Variants in MANEA observed in about 807,000 individuals in gnomAD.
MANEA encodes the protein mannosidase endo-alpha.
In MANEA, 25 loss-of-function variants were observed where a neutral mutation model predicts 36.8. That is an observed-to-expected ratio of 0.68 (90% CI 0.50 to 0.95). The LOEUF (loss-of-function observed/expected upper bound fraction) is 0.95, where lower values mean the gene tolerates loss of function less well. Ranked by LOEUF, MANEA falls within the 40% of genes least tolerant of loss-of-function variation. The pLI is 0.00. For synonymous variants in MANEA, 198 were observed against 188.5 expected, an observed-to-expected ratio of 1.05 and a Z score of -0.41; for missense variants, 565 against 558.8, an observed-to-expected ratio of 1.01 and a Z score of -0.11.
At chr6:95,596,699 T>C in intron 2 of MANEA, 38 bp from the exon 3 acceptor site, 1 of 1,080,724 alleles carries the variant, frequency 9.3e-7, no homozygotes. Context: ...GCATTCATGT[T>C]CTTGTCTTTT....
At chr6:95,603,014 G>A (rs1215352636) in intron 3 of MANEA, among the ~76,000 whole-genome samples, 13 of 110,690 alleles carry the variant, frequency 1.2e-4, no homozygotes, top group Non-Finnish European at 2.0e-4. Flanking sequence ...GCGACAGAGC[G>A]AGACTCCGTC....
Position 95,606,427 on chromosome 6 carries a change from G to A in MANEA, c.*22G>A. 1.3e-6 allele frequency: 2 copies of A among 1,523,958 alleles called. No homozygotes were observed. The highest frequency in any genetic ancestry group is 1.8e-6 in the Non-Finnish European group (2 of 1,142,160). 94.4% of individuals were successfully genotyped at this position (1,523,958 alleles called of 1,614,324 possible). A position where few individuals can be genotyped will look rare whatever the true frequency, so the allele number is the denominator to read the frequency against. ...TTAATGCATTGATTAAAGTTTAATA[G>A]TTATCAAAATCACCTAATTTTTAAA... On this transcript the variant is annotated 3_prime_UTR_variant, in exon 5 of 5. Coordinates refer to ENST00000358812, the MANE Select transcript of MANEA (RefSeq NM_024641.4).
chr6:95,587,868 C>G (rs535305615), intron 2 of MANEA, among the ~76,000 whole-genome samples: 2 of 151,406 alleles, frequency 1.3e-5, no homozygotes, highest in South Asian at 4.2e-4. Flanking sequence ...TTCTTTTTTT[C>G]CTTCTTTTTC....
rs1769711975 is a variant in MANEA, at chr6:95,606,316, C to A, written c.1300C>A (p.Leu434Ile). The change falls in exon 5 of 5, where the codon CTT (leucine) becomes ATT (isoleucine). Residue 434 changes from leucine (L) to isoleucine (I), a missense_variant. Leu to Ile is a conservative substitution (Grantham distance 5). Coordinates refer to ENST00000358812, the MANE Select transcript of MANEA (RefSeq NM_024641.4). Reference sequence around the variant, plus strand: ...AGATTACCGTCCTCATAAACCAGGTCTTTACCTAGAACTGACTCGCAAGTG... The same window carrying A: ...AGATTACCGTCCTCATAAACCAGGTATTTACCTAGAACTGACTCGCAAGTG... ...YLDYRPHKPG[L>I]YLELTRKWSE... The A allele has an allele frequency of 3.7e-6, 6 of 1,611,548 alleles. No homozygotes were observed. The highest frequency in any genetic ancestry group is 5.1e-6 in the Non-Finnish European group (6 of 1,179,834).
chr6:95,604,814 T>C lies in MANEA; in HGVS notation c.655-13T>C. On this transcript the variant is annotated splice_polypyrimidine_tract_variant and intron_variant, in intron 3 of 4. Coordinates refer to ENST00000358812, the MANE Select transcript of MANEA (RefSeq NM_024641.4). ...ATAATTTATCCCCTAACTGATTTTA[T>C]TGTTTGTTTTAGGTTACTTTTCACA... The C allele has an allele frequency of 4.0e-6, 5 of 1,244,110 alleles. No individual in the cohort carries two copies. The highest frequency in any genetic ancestry group is 5.6e-6 in the Non-Finnish European group (5 of 898,248). 77.1% of individuals were successfully genotyped at this position (1,244,110 alleles called of 1,614,324 possible). A position where few individuals can be genotyped will look rare whatever the true frequency, so the allele number is the denominator to read the frequency against.
chr6:95,606,413 ATTAAAGT>A lies in MANEA; in HGVS notation c.*13_*19del, dbSNP rs762624280. On this transcript the variant is annotated 3_prime_UTR_variant, in exon 5 of 5. Transcript: ENST00000358812. ...CAGCTGCCTGTTTCTTAATGCATTG[ATTAAAGT>A]TTAATAGTTATCAAAATCACCTAAT... is the stretch of plus-strand genomic sequence containing the variant. The A allele has an allele frequency of 3.2e-6, 5 of 1,574,304 alleles. No homozygotes were observed. The South Asian group carries it at 3.5e-5, about 11-fold the overall frequency.
At chr6:95,597,277 C>T (rs536400445) in intron 3 of MANEA, among the ~76,000 whole-genome samples, 1 of 152,080 alleles carries the variant, frequency 6.6e-6, no homozygotes, top group South Asian at 2.1e-4. Flanking sequence ...CACATACACA[C>T]CTGAGTAAAT....
chr6:95,603,098 G>A (rs1186102090), intron 3 of MANEA, among the ~76,000 whole-genome samples: 1 of 150,422 alleles, frequency 6.6e-6, no homozygotes, highest in Non-Finnish European at 1.5e-5. Context: ...AATACATGAG[G>A]GAAAATTTTA....
intron 1 of MANEA, among the ~76,000 whole-genome samples, chr6:95,580,100 A>G (rs1192033427): frequency 6.6e-6 from 1 of 152,042 alleles, no homozygotes; most frequent in African/African-American, 2.4e-5. Context: ...TTTTTATTAA[A>G]TTGGATTTTT....
At chr6:95,587,395 TC>T (rs924540015) in intron 2 of MANEA, 1 of 180,140 alleles carries the variant, frequency 5.6e-6, no homozygotes, top group African/African-American at 2.4e-5. Context: ...TCATCATAAT[TC>T]CTTTATTCAG....
intron 2 of MANEA, among the ~76,000 whole-genome samples, chr6:95,591,838 G>A (rs1226677170): frequency 1.3e-5 from 2 of 151,946 alleles, no homozygotes; most frequent in Non-Finnish European, 1.5e-5. Flanking sequence ...CAAGTAGCTG[G>A]GACTACAGAT....
At position 95,586,636 on chromosome 6, in the gene MANEA, G is replaced by C; in HGVS notation, c.197G>C (p.Arg66Thr). The change falls in exon 2 of 5, where the codon AGA becomes ACA. Residue 66 changes from arginine to threonine, a missense_variant. Arg to Thr is a moderately conservative substitution (Grantham distance 71, BLOSUM62 -1). Transcript: ENST00000358812. ...AATTTTGATTTCCAAAAGAGTGACA[G>C]AATCAACAGTGAAACAAATACCAAG... ...GKNFDFQKSD[R>T]INSETNTKNL... is the part of the protein sequence containing the mutation. 1.2e-6 allele frequency: 2 copies of C among 1,613,940 alleles called. No homozygotes were observed. The highest frequency in any genetic ancestry group is 1.1e-5 in the South Asian group (1 of 91,068).
At chr6:95,591,027 T>C (rs926367079) in intron 2 of MANEA, among the ~76,000 whole-genome samples, 6 of 152,368 alleles carry the variant, frequency 3.9e-5, no homozygotes, top group African/African-American at 1.2e-4. Context: ...AAGCAATAGA[T>C]AGACAAATAT....
chr6:95,606,501 A>G lies in MANEA; in HGVS notation c.*96A>G. 1.5e-6 allele frequency: 1 copy of G among 680,376 alleles called. No homozygotes were observed. Among genetic ancestry groups the G allele is most frequent in the Non-Finnish European group, 2.2e-6 (1 of 447,424 alleles). 42.1% of individuals were successfully genotyped at this position (680,376 alleles called of 1,614,324 possible). A position where few individuals can be genotyped will look rare whatever the true frequency, so the allele number is the denominator to read the frequency against. On this transcript the variant is annotated 3_prime_UTR_variant, in exon 5 of 5. Transcript: ENST00000358812. Reference sequence around the variant, plus strand: ...GAAAGAAAACTGTCAAAATCAGTATATACTATTAGTTATATTTAAAAATAT... The same window carrying G: ...GAAAGAAAACTGTCAAAATCAGTATGTACTATTAGTTATATTTAAAAATAT...
chr6:95,590,627 C>T (rs539288782), intron 2 of MANEA, among the ~76,000 whole-genome samples: 1 of 152,108 alleles, frequency 6.6e-6, no homozygotes, highest in Admixed American at 6.5e-5. Flanking sequence ...TTTATAATAA[C>T]TATTTGCATT....
chr6:95,597,838 T>C (rs1200580835), intron 3 of MANEA, among the ~76,000 whole-genome samples: 2 of 151,970 alleles, frequency 1.3e-5, no homozygotes, highest in African/African-American at 4.8e-5. Context: ...AAATCAGTAG[T>C]CTGGATAAAT....
chr6:95,594,261 A>C (rs1769445191), intron 2 of MANEA, among the ~76,000 whole-genome samples: 1 of 152,282 alleles, frequency 6.6e-6, no homozygotes, highest in East Asian at 1.9e-4. Context: ...AGGTAAGAAT[A>C]ATCTGTGTTT....
Position 95,577,581 on chromosome 6 carries a change from C to G in MANEA, c.-96C>G, listed in dbSNP as rs1007348416. The G allele has an allele frequency of 5.9e-5, 9 of 152,400 alleles. No individual in the cohort carries two copies. The highest frequency in any genetic ancestry group is 3.3e-4 in the Admixed American group (5 of 15,278). The allele number at this position is 152,400 out of a possible 1,614,324, so 9.4% of individuals were successfully genotyped here. A position where few individuals can be genotyped will look rare whatever the true frequency, so the allele number is the denominator to read the frequency against. On this transcript the variant is annotated 5_prime_UTR_variant, in exon 1 of 5. Coordinates refer to ENST00000358812, the MANE Select transcript of MANEA (RefSeq NM_024641.4). ...GCGCGGCGGCAGTCAGCTCTATGTT[C>G]GCGGTCTTAACCTCTCCTCTGGCCG...
Position 95,586,424 on chromosome 6 carries a change from T to A in MANEA, c.-16T>A. 6.3e-7 allele frequency: 1 copy of A among 1,593,736 alleles called. No individual in the cohort carries two copies. Among genetic ancestry groups the A allele is most frequent in the Non-Finnish European group, 8.6e-7 (1 of 1,169,262 alleles). ...CAGCAAAACACTTACTATTTTGGAGTTTAAAGTATGTCATCATGGCAAAGT... is the reference window on the plus strand; with the variant it reads ...CAGCAAAACACTTACTATTTTGGAGATTAAAGTATGTCATCATGGCAAAGT... On this transcript the variant is annotated 5_prime_UTR_variant, in exon 2 of 5. Transcript: ENST00000358812.
Sources: allele counts gnomAD v4.1 joint callset (sites outside exome capture counted in the v4.1 genomes callset), GRCh38; gene constraint gnomAD v4.1.1; transcripts MANE v1.5; gene names NCBI Gene and HGNC (gene_info 2026-07-23, HGNC 2026-07-21).